PITPNM2: variants seen among roughly 807,000 people sequenced by gnomAD.
PITPNM2 encodes phosphatidylinositol transfer protein membrane associated 2.
PITPNM2 carries 35 observed loss-of-function variants against 132.2 expected under a neutral mutation model. That is an observed-to-expected ratio of 0.26 (90% confidence interval 0.20 to 0.35). The LOEUF (loss-of-function observed/expected upper bound fraction) is 0.35. Among genes scored for constraint, PITPNM2 ranks in the 10% least tolerant of loss-of-function variants. The pLI is 1.00. For missense variants in PITPNM2, 1,332 were observed against 1,912.0 expected (o/e 0.70, Z 5.66); for synonymous variants, 738 against 799.2 (o/e 0.92, Z 1.29).
At chr12:122,998,822 C>A (rs1220004178) in intron 10 of PITPNM2, among the ~76,000 whole-genome samples, 1 of 152,086 alleles carries the variant, frequency 6.6e-6, no homozygotes, top group Non-Finnish European at 1.5e-5. Context: ...ACTTAACAGG[C>A]CACCAGGTGG....
At chr12:123,059,010 A>G (rs542534124) in intron 2 of PITPNM2, among the ~76,000 whole-genome samples, 7 of 152,312 alleles carry the variant, frequency 4.6e-5, no homozygotes, top group Non-Finnish European at 8.8e-5. Context: ...TCATTTCTGC[A>G]TCTTCAGGGC....
intron 10 of PITPNM2, among the ~76,000 whole-genome samples, chr12:122,998,384 G>A (rs1255893210): frequency 1.3e-5 from 2 of 152,198 alleles, no homozygotes; most frequent in Non-Finnish European, 2.9e-5. Flanking sequence ...AACTGCTCCA[G>A]GCTGGGGGAC....
rs781141451 is a variant in PITPNM2 at position 123,014,050 on chromosome 12, G to A, written c.79-8C>T. On this transcript the variant is annotated splice_region_variant and splice_polypyrimidine_tract_variant and intron_variant, in intron 3 of 25. Coordinates refer to ENST00000320201, the MANE Select transcript of PITPNM2 (RefSeq NM_020845.3). ...CTCGTTACGGCTCTTCTTCTGTGGG[G>A]ACAAAAGCACCTGCAATGTGTGTGG... 2.5e-6 allele frequency: 4 copies of A among 1,614,118 alleles called. No individual in the cohort carries two copies. Among genetic ancestry groups the A allele is most frequent in the Middle Eastern group, 1.7e-4 (1 of 6,026 alleles).
chr12:123,007,506 C>T (rs1027615643), intron 6 of PITPNM2: 9 of 423,630 alleles, frequency 2.1e-5, no homozygotes, highest in South Asian at 6.7e-5. Flanking sequence ...AGTTGGGCCA[C>T]GCCAGGCTCC....
chr12:123,123,012 G>A (rs994539206), intron 1 of PITPNM2, among the ~76,000 whole-genome samples: 1 of 152,180 alleles, frequency 6.6e-6, no homozygotes, highest in African/African-American at 2.4e-5. Flanking sequence ...CCTTGACCCA[G>A]CAATTCTACT....
intron 18 of PITPNM2, 132 bp downstream of exon 18, chr12:122,989,655 G>A: frequency 4.5e-6 from 4 of 888,108 alleles, no homozygotes; most frequent in Non-Finnish European, 4.6e-6. Flanking sequence ...TCCCTAGATG[G>A]CCAAGTCCTC....
Position 123,000,962 on chromosome 12 carries a change from C to A in PITPNM2, c.1153+92G>T. On this transcript the variant is annotated intron_variant, in intron 9 of 25. Coordinates refer to ENST00000320201, the MANE Select transcript of PITPNM2 (RefSeq NM_020845.3). The surrounding 1 kb of genome is among the most constrained non-coding windows in gnomAD (Gnocchi z 5.4). ...TGGGGGTCCCCAACTCACATGTATG[C>A]CCAGCACTGTGCAGAAGCTGGTCAG... is the stretch of plus-strand genomic sequence containing the variant. The A allele has an allele frequency of 1.3e-6, 2 of 1,522,946 alleles. No individual in the cohort carries two copies. The highest frequency in any genetic ancestry group is 1.7e-5 in the Admixed American group (1 of 59,338). 94.3% of individuals were successfully genotyped at this position (1,522,946 alleles called of 1,614,324 possible).
At chr12:123,006,607 T>A (rs1592936430) in intron 6 of PITPNM2, among the ~76,000 whole-genome samples, 3 of 149,646 alleles carry the variant, frequency 2.0e-5, no homozygotes. Context: ...CAGCTACTTG[T>A]GAGGTGGAGG....
intron 1 of PITPNM2, among the ~76,000 whole-genome samples, chr12:123,128,693 A>T (rs530094689): frequency 6.6e-6 from 1 of 151,474 alleles, no homozygotes; most frequent in Admixed American, 6.6e-5. Flanking sequence ...CAGAGGTTGC[A>T]GTGAGCAAAG....
chr12:122,985,941 A>G lies in PITPNM2; in HGVS notation c.*86T>C. On this transcript the variant is annotated 3_prime_UTR_variant, in exon 26 of 26. Transcript: ENST00000320201. ...TGGGACAATCTCCCAGGCCCACGTC[A>G]GTGCGTGTGCCCAGGCCAGGCCTCC... 1 of 1,202,306 alleles carries G rather than the reference A, an allele frequency of 8.3e-7. No homozygotes were observed. Among genetic ancestry groups the G allele is most frequent in the South Asian group, 2.0e-5 (1 of 50,004 alleles). 74.5% of individuals were successfully genotyped at this position (1,202,306 alleles called of 1,614,324 possible).
At chr12:123,057,641 G>A (rs566908190) in intron 2 of PITPNM2, among the ~76,000 whole-genome samples, 8 of 152,172 alleles carry the variant, frequency 5.3e-5, no homozygotes, top group African/African-American at 1.2e-4. Context: ...AAGCTGGGGC[G>A]CCCGGCCAGA....
At chr12:123,096,660 C>T (rs2042418625) in intron 2 of PITPNM2, among the ~76,000 whole-genome samples, 1 of 152,302 alleles carries the variant, frequency 6.6e-6, no homozygotes, top group South Asian at 2.1e-4. Flanking sequence ...ATCCCTCCCC[C>T]TGCACCACTA....
At chr12:123,121,641 G>A (rs1566301715) in intron 1 of PITPNM2, among the ~76,000 whole-genome samples, 1 of 151,914 alleles carries the variant, frequency 6.6e-6, no homozygotes, top group Non-Finnish European at 1.5e-5. Context: ...TGAATTCCTG[G>A]CTCAAACAAA....
Position 123,094,412 on chromosome 12 carries a change from G to A in PITPNM2, c.-96+15973C>T, listed in dbSNP as rs546679934. ...ATGTCTTCACCCAGCAGGCTGAAGCGGAGCCCAGCCAAGGCCTGTGATCCT... is the reference window on the plus strand; with the variant it reads ...ATGTCTTCACCCAGCAGGCTGAAGCAGAGCCCAGCCAAGGCCTGTGATCCT... On this transcript the variant is annotated intron_variant, in intron 2 of 25. Transcript: ENST00000320201. Among the ~76,000 whole-genome samples, 4 of 152,312 alleles carry A rather than the reference G, an allele frequency of 2.6e-5. No homozygotes were observed. The East Asian group carries it at 7.7e-4, about 29-fold the overall frequency.
chr12:123,011,179 G>A (rs1405433314), intron 5 of PITPNM2, among the ~76,000 whole-genome samples: 1 of 152,108 alleles, frequency 6.6e-6, no homozygotes, highest in Admixed American at 6.5e-5. Context: ...CCTTTTTTGC[G>A]GTCGGTTCTG....
chr12:122,984,191 C>T lies in PITPNM2; in HGVS notation c.*1836G>A, dbSNP rs1156696624. The T allele has an allele frequency of 2.0e-5, 3 of 152,666 alleles. No individual in the cohort carries two copies. The highest frequency in any genetic ancestry group is 2.9e-5 in the Non-Finnish European group (2 of 68,160). 9.5% of individuals were successfully genotyped at this position (152,666 alleles called of 1,614,324 possible). A position where few individuals can be genotyped will look rare whatever the true frequency, so the allele number is the denominator to read the frequency against. On this transcript the variant is annotated 3_prime_UTR_variant, in exon 26 of 26. Transcript: ENST00000320201. ...CTGCCCCCCTGGGGAGAGGCTGAGC[C>T]CACTGCCCACAGGGCCTCCCGGCCT...
intron 10 of PITPNM2, among the ~76,000 whole-genome samples, chr12:122,999,695 C>A (rs2038576049): frequency 6.6e-6 from 1 of 152,166 alleles, no homozygotes; most frequent in African/African-American, 2.4e-5. Context: ...GCCCTGGGCT[C>A]TAGTTGGGGC....
intron 2 of PITPNM2, among the ~76,000 whole-genome samples, chr12:123,053,838 G>C (rs1170155525): frequency 6.6e-6 from 1 of 152,118 alleles, no homozygotes; most frequent in Non-Finnish European, 1.5e-5. Flanking sequence ...AAAGTGCTGG[G>C]ATTACAGGCA....
At chr12:123,104,318 G>A (rs538439360) in intron 2 of PITPNM2, among the ~76,000 whole-genome samples, 2 of 152,190 alleles carry the variant, frequency 1.3e-5, no homozygotes, top group Admixed American at 6.5e-5. Flanking sequence ...CTCTGAGCCC[G>A]AGCCAAGCCA....
Sources: gnomAD v4.1 joint callset for allele counts (sites outside exome capture counted in the v4.1 genomes callset) on GRCh38, gnomAD v4.1.1 for gene constraint, Gnocchi (gnomAD v3.1) non-coding constraint, MANE v1.5 for transcripts, NCBI Gene and HGNC (gene_info 2026-07-23, HGNC 2026-07-21) for gene names.